The following GRID2 variants were observed in gnomAD, a reference collection of about 807,000 sequenced individuals.
The protein encoded by GRID2 is glutamate ionotropic receptor delta type subunit 2.
GRID2 carries 33 observed loss-of-function variants against 114.8 expected under a neutral mutation model. That is an observed-to-expected ratio of 0.29 (90% CI 0.22 to 0.38). The LOEUF (loss-of-function observed/expected upper bound fraction) is 0.38, where lower values mean the gene tolerates loss of function less well. Ranked by LOEUF, GRID2 falls within the 10% of genes least tolerant of loss-of-function variation. The probability of loss-of-function intolerance (pLI) is 1.00; values close to 1 mark genes in which losing one functional copy is unlikely to be tolerated. For missense variants in GRID2, 1,184 were observed against 1,257.7 expected, an observed-to-expected ratio of 0.94 and a Z score of 0.89; for synonymous variants, 505 against 449.9, an observed-to-expected ratio of 1.12 and a Z score of -1.55.
intron 1 of GRID2, among the ~76,000 whole-genome samples, chr4:92,364,927 C>T (rs1728778778): frequency 6.6e-6 from 1 of 151,928 alleles, no homozygotes; most frequent in Admixed American, 6.6e-5. Flanking sequence ...GGCTGTTGAC[C>T]CACTGCCCTG....
chr4:92,787,615 A>G (rs373903275), intron 2 of GRID2, among the ~76,000 whole-genome samples: 1 of 151,938 alleles, frequency 6.6e-6, no homozygotes, highest in Non-Finnish European at 1.5e-5. Context: ...AAGGTTTTAT[A>G]GTTAACTGTA....
intron 4 of GRID2, among the ~76,000 whole-genome samples, chr4:93,200,578 C>A (rs1230741083): frequency 1.3e-4 from 19 of 151,080 alleles, no homozygotes; most frequent in African/African-American, 4.4e-4. Context: ...AACAAACAAA[C>A]AAACAAACAA....
At chr4:92,770,173 C>T (rs1032592455) in intron 2 of GRID2, among the ~76,000 whole-genome samples, 1 of 152,196 alleles carries the variant, frequency 6.6e-6, no homozygotes, top group African/African-American at 2.4e-5. Context: ...CCAGAAATCT[C>T]TAAGGCAGGG....
At chr4:92,724,525 T>C (rs1339625668) in intron 2 of GRID2, among the ~76,000 whole-genome samples, 2 of 152,188 alleles carry the variant, frequency 1.3e-5, no homozygotes, top group Non-Finnish European at 2.9e-5. Context: ...ACTAGATTTA[T>C]AGCATCCACC....
rs528676579 is a variant in GRID2, at chr4:93,435,626, A to T, written c.1545+12658A>T. On this transcript the variant is annotated intron_variant, in intron 10 of 15. Coordinates refer to ENST00000282020, the MANE Select transcript of GRID2 (RefSeq NM_001510.4). ...AAAGCTTTACAGGTATTGACTCCTTACATGCTCTTACTAATTTGATGAAAT... is the reference window on the plus strand; with the variant it reads ...AAAGCTTTACAGGTATTGACTCCTTTCATGCTCTTACTAATTTGATGAAAT... Among the ~76,000 whole-genome samples the T allele has an allele frequency of 5.9e-5, 9 of 152,302 alleles. No homozygotes were observed. In the South Asian group the frequency reaches 1.9e-3, roughly 32 times the overall value.
intron 14 of GRID2, among the ~76,000 whole-genome samples, chr4:93,733,452 G>T (rs995707128): frequency 2.6e-5 from 4 of 152,066 alleles, no homozygotes; most frequent in Non-Finnish European, 5.9e-5. Flanking sequence ...TTCTGAAATG[G>T]CCTGCCTGTT....
intron 2 of GRID2, among the ~76,000 whole-genome samples, chr4:92,882,958 G>T (rs1746126859): frequency 1.3e-5 from 2 of 152,158 alleles, no homozygotes; most frequent in Non-Finnish European, 2.9e-5. Context: ...GGTCGGGGTG[G>T]CTGTGGCAAT....
At chr4:92,916,081 C>T (rs1748768162) in intron 2 of GRID2, among the ~76,000 whole-genome samples, 1 of 152,060 alleles carries the variant, frequency 6.6e-6, no homozygotes, top group Non-Finnish European at 1.5e-5. Context: ...AATTAGATCC[C>T]ATTTGTCAAT....
At chr4:93,632,632 G>T (rs1037910021) in intron 14 of GRID2, among the ~76,000 whole-genome samples, 14 of 152,172 alleles carry the variant, frequency 9.2e-5, no homozygotes. Context: ...TTGTAGTATA[G>T]TTTGAAGTCA....
intron 14 of GRID2, among the ~76,000 whole-genome samples, chr4:93,643,713 C>A (rs1261521493): frequency 3.5e-5 from 2 of 56,792 alleles, no homozygotes; most frequent in East Asian, 6.6e-4. Context: ...CTGCTCTCTT[C>A]AAAGCTGTCA....
At chr4:93,157,157 A>G (rs1354875310) in intron 4 of GRID2, among the ~76,000 whole-genome samples, 1 of 151,704 alleles carries the variant, frequency 6.6e-6, no homozygotes, top group East Asian at 1.9e-4. Flanking sequence ...CAGTAAGAAG[A>G]AAATGTAGAT....
intron 12 of GRID2, among the ~76,000 whole-genome samples, chr4:93,503,395 T>C (rs1483761911): frequency 6.6e-6 from 1 of 152,092 alleles, no homozygotes; most frequent in Non-Finnish European, 1.5e-5. Context: ...TACATATGTA[T>C]ACATGTGCCA....
intron 8 of GRID2, among the ~76,000 whole-genome samples, chr4:93,388,279 A>G (rs1346218890): frequency 6.6e-6 from 1 of 152,210 alleles, no homozygotes; most frequent in Admixed American, 6.5e-5. Flanking sequence ...GGAAAACTGT[A>G]TATTCAAAAC....
chr4:92,578,807 T>C (rs1242846146), intron 1 of GRID2, among the ~76,000 whole-genome samples: 1 of 152,152 alleles, frequency 6.6e-6, no homozygotes, highest in Non-Finnish European at 1.5e-5. Flanking sequence ...ACATGCATCA[T>C]ATATATTTTG....
chr4:93,677,872 G>A (rs916982009), intron 14 of GRID2, among the ~76,000 whole-genome samples: 9 of 152,008 alleles, frequency 5.9e-5, no homozygotes, highest in East Asian at 3.9e-4. Context: ...AAAGCAGAGC[G>A]CCTCTCCTCC....
At chr4:92,632,677 A>AAAGGAAGGGAAGAAGTGAAGAAAGGG (rs1730865473) in intron 2 of GRID2, among the ~76,000 whole-genome samples, 2 of 149,540 alleles carry the variant, frequency 1.3e-5, no homozygotes, top group Non-Finnish European at 2.9e-5. Context: ...TGAAGAAAGG[A>AAAGGAAGGGAAGAAGTGAAGAAAGGG]AAGGAAGGGA....
At chr4:92,358,740 T>C (rs1308192605) in intron 1 of GRID2, among the ~76,000 whole-genome samples, 3 of 151,900 alleles carry the variant, frequency 2.0e-5, no homozygotes, top group South Asian at 2.1e-4. Context: ...ATGTGGTAAA[T>C]GTAATGATGG....
chr4:92,589,902 C>T lies in GRID2; in HGVS notation c.89-229C>T, dbSNP rs1448567955. Among the ~76,000 whole-genome samples the T allele has an allele frequency of 2.0e-5, 3 of 152,218 alleles. No individual in the cohort carries two copies. The East Asian group carries it at 5.8e-4, about 29-fold the overall frequency. On this transcript the variant is annotated intron_variant, in intron 1 of 15. Transcript: ENST00000282020. ...TTATGTTTTCTTCCCCATGACCTCC[C>T]CGCAATAACACTTTGAGGTACTATT... is the stretch of plus-strand genomic sequence containing the variant.
At chr4:92,846,395 C>T (rs1743328554) in intron 2 of GRID2, among the ~76,000 whole-genome samples, 1 of 152,072 alleles carries the variant, frequency 6.6e-6, no homozygotes, top group Non-Finnish European at 1.5e-5. Context: ...GTGTTTAGCT[C>T]CCTTTTGTAA....
Sources: allele counts gnomAD v4.1 joint callset (sites outside exome capture counted in the v4.1 genomes callset), GRCh38; gene constraint gnomAD v4.1.1; transcripts MANE v1.5; gene names NCBI Gene and HGNC (gene_info 2026-07-23, HGNC 2026-07-21).